The following FRMPD4 variants were observed in gnomAD, a reference collection of about 807,000 sequenced individuals.
FRMPD4 encodes the protein FERM and PDZ domain containing 4, also known as FERM and PDZ domain-containing protein 4.
In FRMPD4, 22 loss-of-function variants were observed where a neutral mutation model predicts 94.1. That is an observed-to-expected ratio of 0.23 (90% confidence interval 0.17 to 0.33). FRMPD4 has a LOEUF of 0.33. FRMPD4 is among the 10% of genes least tolerant of loss of function. FRMPD4 has a pLI of 1.00. For synonymous variants in FRMPD4, 631 were observed against 548.6 expected, an observed-to-expected ratio of 1.15 and a Z score of -2.10; for missense variants, 1,111 against 1,339.9, an observed-to-expected ratio of 0.83 and a Z score of 2.67.
At chrX:12,198,338 C>A (rs1350423863) in intron 1 of FRMPD4, among the ~76,000 whole-genome samples, 3 of 111,890 alleles carry the variant, frequency 2.7e-5, no homozygotes, top group Non-Finnish European at 5.6e-5. Context: ...CCGATGATTG[C>A]TTGACCAGTG....
At chrX:11,972,978 A>G (rs2054348666) in intron 3 of FRMPD4, among the ~76,000 whole-genome samples, 1 of 112,346 alleles carries the variant, frequency 8.9e-6, no homozygotes, top group Non-Finnish European at 1.9e-5. Context: ...TTATTTGTCT[A>G]CATTATGTAA....
At chrX:11,873,561 A>G (rs1208182974) in intron 2 of FRMPD4, among the ~76,000 whole-genome samples, 1 of 111,009 alleles carries the variant, frequency 9.0e-6, no homozygotes, top group African/African-American at 3.3e-5. Flanking sequence ...ACTGAAAACT[A>G]TAAAATATTG....
intron 1 of FRMPD4, among the ~76,000 whole-genome samples, chrX:12,362,253 A>T (rs1400301657): frequency 9.1e-6 from 1 of 109,688 alleles, no homozygotes; most frequent in African/African-American, 3.3e-5. Flanking sequence ...CATGTGCACA[A>T]CGTGCAGGTT....
intron 2 of FRMPD4, among the ~76,000 whole-genome samples, chrX:12,558,869 C>T (rs767555557): frequency 5.4e-5 from 6 of 112,083 alleles, no homozygotes; most frequent in African/African-American, 1.9e-4. Flanking sequence ...CTGTGAATAG[C>T]CACTGCACTC....
chrX:12,439,821 G>T (rs1436776495), intron 1 of FRMPD4, among the ~76,000 whole-genome samples: 4 of 111,439 alleles, frequency 3.6e-5, no homozygotes, highest in African/African-American at 1.3e-4. Context: ...TTTTGACTTG[G>T]TTCAACATAC....
chrX:12,077,225 T>C (rs961690566), intron 3 of FRMPD4, among the ~76,000 whole-genome samples: 6 of 112,309 alleles, frequency 5.3e-5, no homozygotes, highest in African/African-American at 1.9e-4. Context: ...ATAAGCATTT[T>C]TGTTTAGACC....
intron 12 of FRMPD4, 51 bp downstream of exon 12, chrX:12,706,966 C>T (rs2041888663): frequency 1.6e-6 from 1 of 619,606 alleles, no homozygotes. Context: ...GCCACAGCAG[C>T]TCATTCCGCC....
intron 1 of FRMPD4, among the ~76,000 whole-genome samples, chrX:12,307,400 T>C (rs1569225946): frequency 8.9e-6 from 1 of 112,624 alleles, no homozygotes. Flanking sequence ...CATTTCATCA[T>C]ATGAGTATAG....
chrX:11,862,942 G>T (rs1483646732), intron 1 of FRMPD4, among the ~76,000 whole-genome samples: 1 of 100,145 alleles, frequency 1.0e-5, no homozygotes, highest in Non-Finnish European at 2.0e-5. Flanking sequence ...GATTGGAGGT[G>T]TGTGGTTAGG....
At chrX:12,307,250 A>G (rs1601801895) in intron 1 of FRMPD4, among the ~76,000 whole-genome samples, 1 of 112,471 alleles carries the variant, frequency 8.9e-6, no homozygotes, top group East Asian at 2.8e-4. Context: ...TGGCTTGCAC[A>G]AGAAGAAACA....
intron 4 of FRMPD4, among the ~76,000 whole-genome samples, chrX:12,669,146 C>G (rs1401210391): frequency 8.9e-6 from 1 of 111,795 alleles, no homozygotes; most frequent in Non-Finnish European, 1.9e-5. Context: ...ATCATGTCAG[C>G]AGACTCCCTC....
At chrX:12,108,794 C>CT (rs1237168787) in intron 3 of FRMPD4, among the ~76,000 whole-genome samples, 5 of 111,750 alleles carry the variant, frequency 4.5e-5, no homozygotes, top group African/African-American at 1.6e-4. Context: ...ATAAAACAGA[C>CT]TTTAAACCAA....
intron 1 of FRMPD4, among the ~76,000 whole-genome samples, chrX:12,476,101 G>T (rs2057594201): frequency 9.0e-6 from 1 of 111,560 alleles, no homozygotes; most frequent in Non-Finnish European, 1.9e-5. Flanking sequence ...GCATGGTACT[G>T]GTACCAAAAC....
In FRMPD4 at chrX:12,483,252, C is replaced by T. The variant is rs1007015895; in HGVS notation, c.42-15428C>T. On this transcript the variant is annotated intron_variant, in intron 1 of 16. Transcript: ENST00000675598. ...TGGAGGTGTAAGGTGGTAAAAACTA[C>T]AGGAATTCAGAGATCCCACTGTGAA... Among the ~76,000 whole-genome samples the T allele has an allele frequency of 2.7e-5, 3 of 111,769 alleles. No individual in the cohort carries two copies. In the Middle Eastern group the frequency reaches 0.014, roughly 517 times the overall value.
intron 16 of FRMPD4, among the ~76,000 whole-genome samples, chrX:12,720,061 AG>A (rs2042203592): frequency 9.3e-6 from 1 of 107,214 alleles, no homozygotes; most frequent in Non-Finnish European, 1.9e-5. Context: ...AAAGAAAGAA[AG>A]AAAGAAAGAA....
intron 1 of FRMPD4, among the ~76,000 whole-genome samples, chrX:12,248,958 G>A (rs781283999): frequency 8.9e-5 from 10 of 112,715 alleles, no homozygotes; most frequent in African/African-American, 3.2e-4. Context: ...AGAATCACTT[G>A]AACCCAGGAG....
chrX:12,590,378 C>G (rs937630769), intron 2 of FRMPD4, among the ~76,000 whole-genome samples: 1 of 112,061 alleles, frequency 8.9e-6, no homozygotes, highest in Non-Finnish European at 1.9e-5. Flanking sequence ...TATTATCATG[C>G]AAATTTAAAG....
At chrX:12,339,221 A>G (rs1674113804) in intron 1 of FRMPD4, among the ~76,000 whole-genome samples, 1 of 111,751 alleles carries the variant, frequency 8.9e-6, no homozygotes, top group South Asian at 3.8e-4. Flanking sequence ...TTGAACCCCA[A>G]ATCATGTTTT....
At chrX:11,837,990 A>G (rs964000946) in intron 1 of FRMPD4, among the ~76,000 whole-genome samples, 4 of 111,886 alleles carry the variant, frequency 3.6e-5, no homozygotes, top group African/African-American at 1.3e-4. Flanking sequence ...GAAAAATTAG[A>G]AAGCAATATC....
Sources: allele counts gnomAD v4.1 joint callset (sites outside exome capture counted in the v4.1 genomes callset), GRCh38; gene constraint gnomAD v4.1.1; transcripts MANE v1.5; gene names NCBI Gene and HGNC (gene_info 2026-07-23, HGNC 2026-07-21).